The following ZMAT4 variants were observed in gnomAD, a reference collection of about 807,000 sequenced individuals.
ZMAT4 encodes zinc finger matrin-type 4, also known as zinc finger matrin-type protein 4.
Under a neutral mutation model 28.7 loss-of-function variants are expected in ZMAT4, and 17 were observed. The ratio of observed to expected loss-of-function variants is 0.59; its 90% CI spans 0.41 to 0.89. ZMAT4 has a LOEUF of 0.89. ZMAT4 is among the 40% of genes least tolerant of loss of function. The pLI is 0.00. For synonymous variants in ZMAT4, 117 were observed against 109.2 expected (o/e 1.07, Z -0.44); for missense variants, 240 against 283.8 (o/e 0.85, Z 1.11).
At chr8:40,600,664 C>T (rs1040015273) in intron 5 of ZMAT4, among the ~76,000 whole-genome samples, 7 of 152,192 alleles carry the variant, frequency 4.6e-5, no homozygotes, top group Admixed American at 2.0e-4. Flanking sequence ...TAATAACAGG[C>T]CTTCTGAAGG....
chr8:40,610,411 C>G (rs895239568), intron 5 of ZMAT4, among the ~76,000 whole-genome samples: 36 of 152,108 alleles, frequency 2.4e-4, no homozygotes, highest in Non-Finnish European at 2.8e-4. Context: ...TGTGAGGGAG[C>G]TATGCAGGGT....
intron 5 of ZMAT4, among the ~76,000 whole-genome samples, chr8:40,634,696 T>C (rs199511267): frequency 1.3e-5 from 2 of 152,316 alleles, no homozygotes; most frequent in East Asian, 3.9e-4. Context: ...TCATTTACCA[T>C]GGTGATCTTA....
chr8:40,826,815 C>T (rs1586125637), intron 1 of ZMAT4, among the ~76,000 whole-genome samples: 1 of 152,152 alleles, frequency 6.6e-6, no homozygotes, highest in Non-Finnish European at 1.5e-5. Context: ...CTTCTGAAAG[C>T]GATCTGTCGG....
At chr8:40,725,455 G>A (rs530463417) in intron 3 of ZMAT4, among the ~76,000 whole-genome samples, 1 of 152,260 alleles carries the variant, frequency 6.6e-6, no homozygotes, top group South Asian at 2.1e-4. Flanking sequence ...AAAATGTCTC[G>A]AGATGGCATG....
chr8:40,877,066 G>A (rs1818065525), intron 1 of ZMAT4, among the ~76,000 whole-genome samples: 1 of 152,218 alleles, frequency 6.6e-6, no homozygotes, highest in African/African-American at 2.4e-5. Context: ...AGGGTGGGCT[G>A]TAATCTAAAA....
At chr8:40,559,434 C>A (rs1171690936) in intron 6 of ZMAT4, among the ~76,000 whole-genome samples, 1 of 152,076 alleles carries the variant, frequency 6.6e-6, no homozygotes, top group African/African-American at 2.4e-5. Flanking sequence ...CTCCTCCTAA[C>A]ATAACCTAAC....
chr8:40,727,050 C>T (rs1167961219), intron 3 of ZMAT4, among the ~76,000 whole-genome samples: 1 of 152,084 alleles, frequency 6.6e-6, no homozygotes, highest in African/African-American at 2.4e-5. Context: ...CAAGAAAACC[C>T]TAAACCAACT....
chr8:40,844,207 A>G (rs1319029083), intron 1 of ZMAT4, among the ~76,000 whole-genome samples: 4 of 152,222 alleles, frequency 2.6e-5, no homozygotes, highest in Non-Finnish European at 5.9e-5. Context: ...TTATGTGTCA[A>G]CTTGACTGGG....
chr8:40,583,517 G>A (rs138545067), intron 5 of ZMAT4, among the ~76,000 whole-genome samples: 20 of 152,286 alleles, frequency 1.3e-4, no homozygotes, highest in African/African-American at 4.1e-4. Flanking sequence ...TACTTAGCCC[G>A]TATTAAGTAA....
At chr8:40,552,621 T>C (rs1039160432) in intron 6 of ZMAT4, among the ~76,000 whole-genome samples, 1 of 152,128 alleles carries the variant, frequency 6.6e-6, no homozygotes, top group African/African-American at 2.4e-5. Flanking sequence ...AACACATATA[T>C]AAACATAAGC....
rs1415687842 is a variant in ZMAT4 at position 40,799,257 on chromosome 8, A to ATG, written c.102+26317_102+26318insCA. On this transcript the variant is annotated intron_variant, in intron 2 of 6. Transcript: ENST00000297737. Reference sequence around the variant, plus strand: ...TAGATGGATGGATGGAGACAGATAGAGAGAGAGGGAGACAGATAGAGAGAA... The same window carrying ATG: ...TAGATGGATGGATGGAGACAGATAGATGGAGAGAGGGAGACAGATAGAGAGAA... Among the ~76,000 whole-genome samples, 17 of 152,250 alleles carry ATG rather than the reference A, an allele frequency of 1.1e-4. 1 individual carries two copies. In the East Asian group the frequency reaches 2.7e-3, roughly 24 times the overall value.
At chr8:40,776,617 G>C (rs1813605972) in intron 2 of ZMAT4, among the ~76,000 whole-genome samples, 1 of 152,018 alleles carries the variant, frequency 6.6e-6, no homozygotes, top group Non-Finnish European at 1.5e-5. Context: ...TTTGCAGTTT[G>C]GGGAAAAAAG....
chr8:40,612,993 A>G (rs1319030725), intron 5 of ZMAT4, among the ~76,000 whole-genome samples: 2 of 150,266 alleles, frequency 1.3e-5, no homozygotes, highest in African/African-American at 4.9e-5. Context: ...TTGTATTTTT[A>G]GTAGACACGG....
chr8:40,828,041 A>T (rs1019738379), intron 1 of ZMAT4, among the ~76,000 whole-genome samples: 1 of 152,190 alleles, frequency 6.6e-6, no homozygotes, highest in Non-Finnish European at 1.5e-5. Context: ...ATTTCATTAT[A>T]GTCCATCTTC....
intron 5 of ZMAT4, among the ~76,000 whole-genome samples, chr8:40,589,808 C>G (rs943647558): frequency 2.4e-5 from 3 of 126,150 alleles, no homozygotes; most frequent in Non-Finnish European, 3.5e-5. Flanking sequence ...CTTTGTCTTT[C>G]CTTTCTTTTT....
chr8:40,588,315 G>A (rs1804736632), intron 5 of ZMAT4, among the ~76,000 whole-genome samples: 2 of 151,930 alleles, frequency 1.3e-5, no homozygotes, highest in African/African-American at 4.8e-5. Flanking sequence ...CTGTAAAAGA[G>A]ACCATTAGGA....
At chr8:40,725,886 A>AT (rs747254538) in intron 3 of ZMAT4, among the ~76,000 whole-genome samples, 1 of 151,734 alleles carries the variant, frequency 6.6e-6, no homozygotes, top group Non-Finnish European at 1.5e-5. Flanking sequence ...TGTAAAACTG[A>AT]TAATAGTATT....
intron 5 of ZMAT4, among the ~76,000 whole-genome samples, chr8:40,612,113 T>C (rs1805822258): frequency 6.6e-6 from 1 of 152,136 alleles, no homozygotes; most frequent in African/African-American, 2.4e-5. Context: ...ATGAAGATAA[T>C]ACCTTTCACT....
intron 2 of ZMAT4, among the ~76,000 whole-genome samples, chr8:40,768,132 T>C (rs897050080): frequency 1.3e-5 from 2 of 152,218 alleles, no homozygotes; most frequent in Non-Finnish European, 1.5e-5. Flanking sequence ...CAATGCCTCC[T>C]TGGGAGCCTG....
Sources: allele counts gnomAD v4.1 joint callset (sites outside exome capture counted in the v4.1 genomes callset), GRCh38; gene constraint gnomAD v4.1.1; transcripts MANE v1.5; gene names NCBI Gene and HGNC (gene_info 2026-07-23, HGNC 2026-07-21).